Variants in XRRA1 observed in about 807,000 individuals in gnomAD.
XRRA1 encodes X-ray radiation resistance-associated protein 1.
A neutral mutation model predicts 80.2 loss-of-function variants in XRRA1; 69 were observed. The ratio of observed to expected loss-of-function variants is 0.86; its 90% CI spans 0.71 to 1.05. XRRA1 has a LOEUF of 1.05. XRRA1 is among the 50% of genes least tolerant of loss of function. The pLI is 0.00. For synonymous variants in XRRA1, 348 were observed against 389.9 expected, an observed-to-expected ratio of 0.89 and a Z score of 1.27; for missense variants, 967 against 976.4, an observed-to-expected ratio of 0.99 and a Z score of 0.13.
intron 8 of XRRA1, chr11:74,910,615 A>G (rs1005050529): frequency 6.6e-6 from 1 of 152,318 alleles, no homozygotes; most frequent in Non-Finnish European, 1.5e-5. Flanking sequence ...CAGGCCATGA[A>G]AAGCTTTGAG....
chr11:74,877,041 T>C (rs1405780985), intron 10 of XRRA1: 5 of 152,216 alleles, frequency 3.3e-5, no homozygotes, highest in Non-Finnish European at 7.3e-5. Flanking sequence ...TTATACTTAC[T>C]CTGCTATTTG....
chr11:74,902,440 G>GA (rs1218914070), intron 10 of XRRA1, among the ~76,000 whole-genome samples: 82 of 152,184 alleles, frequency 5.4e-4, no homozygotes, highest in African/African-American at 2.0e-3. Context: ...AAGGGAAATC[G>GA]GTATATCAGA....
chr11:74,883,056 G>A (rs1328204179), intron 10 of XRRA1, among the ~76,000 whole-genome samples: 2 of 152,214 alleles, frequency 1.3e-5, no homozygotes, highest in Non-Finnish European at 2.9e-5. Context: ...GAGCTTCCCG[G>A]CTGCTTTGTT....
chr11:74,851,591 G>A (rs989087038), intron 13 of XRRA1, among the ~76,000 whole-genome samples: 4 of 152,150 alleles, frequency 2.6e-5, no homozygotes, highest in African/African-American at 4.8e-5. Flanking sequence ...TGCAGTTGGG[G>A]CTGCACCCCT....
At chr11:74,886,911 C>T (rs1325324967) in intron 10 of XRRA1, among the ~76,000 whole-genome samples, 1 of 152,128 alleles carries the variant, frequency 6.6e-6, no homozygotes, top group Non-Finnish European at 1.5e-5. Flanking sequence ...GAAATAATGC[C>T]ACACGCCTAC....
chr11:74,948,745 C>T (rs530296593), intron 1 of XRRA1, among the ~76,000 whole-genome samples, 183 bp downstream of exon 1: 3 of 152,246 alleles, frequency 2.0e-5, no homozygotes, highest in African/African-American at 7.2e-5. Context: ...TCAGTAAACG[C>T]GAGTTCTCCG....
intron 15 of XRRA1, chr11:74,846,060 T>A (rs1295545517): frequency 1.3e-5 from 2 of 151,808 alleles, no homozygotes; most frequent in African/African-American, 2.4e-5. Context: ...CTCCCAGGAG[T>A]GGGAGACCAC....
chr11:74,924,033 C>T (rs1941592909), intron 7 of XRRA1, among the ~76,000 whole-genome samples: 1 of 151,706 alleles, frequency 6.6e-6, no homozygotes, highest in Admixed American at 6.6e-5. Context: ...TGTAGAGACA[C>T]GGTCTCATTT....
chr11:74,930,212 AG>A, intron 6 of XRRA1, 87 bp downstream of exon 6: 1 of 1,105,546 alleles, frequency 9.0e-7, no homozygotes, highest in Non-Finnish European at 1.3e-6. Context: ...GGCCAATCAT[AG>A]ATGGTTGGAC....
chr11:74,897,558 C>A (rs1319716973), intron 10 of XRRA1, among the ~76,000 whole-genome samples: 1 of 151,898 alleles, frequency 6.6e-6, no homozygotes, highest in Non-Finnish European at 1.5e-5. Flanking sequence ...TACTTCAAGG[C>A]ATTTAATCAA....
At chr11:74,932,534 A>T (rs905349501) in intron 5 of XRRA1, among the ~76,000 whole-genome samples, 1 of 152,178 alleles carries the variant, frequency 6.6e-6, no homozygotes, top group African/African-American at 2.4e-5. Context: ...ACAGAGACAC[A>T]CCAGGCCTCG....
chr11:74,847,679 T>C (rs2038658437), intron 15 of XRRA1, among the ~76,000 whole-genome samples: 1 of 152,126 alleles, frequency 6.6e-6, no homozygotes. Context: ...TCAGCACTGA[T>C]TGCATAAGCT....
chr11:74,927,494 T>TG lies in XRRA1; in HGVS notation c.425-7dup. ...TGGAAACGTGTGAAATGCCTCTACA[T>TG]GGGGAAGAGAAAGAGAGAGTCTGCA... is the stretch of plus-strand genomic sequence containing the variant. On this transcript the variant is annotated splice_polypyrimidine_tract_variant and splice_region_variant and intron_variant, in intron 6 of 18. Coordinates refer to ENST00000684022, the MANE Select transcript of XRRA1 (RefSeq NM_001378157.1). 2 of 1,586,464 alleles carry TG rather than the reference T, an allele frequency of 1.3e-6. No homozygotes were observed. The highest frequency in any genetic ancestry group is 1.7e-6 in the Non-Finnish European group (2 of 1,155,000).
Position 74,889,143 on chromosome 11 carries a change from G to A in XRRA1, c.1003+17096C>T, listed in dbSNP as rs373791375. Among the ~76,000 whole-genome samples the A allele has an allele frequency of 1.2e-4, 18 of 152,230 alleles. No homozygotes were observed. In the East Asian group the frequency reaches 2.9e-3, roughly 24 times the overall value. ...TGAAATGAAGGAAAAAATGTTAGGGGCAGCCAGAGAGAAAGGTCGGGTTAC... is the reference window on the plus strand; with the variant it reads ...TGAAATGAAGGAAAAAATGTTAGGGACAGCCAGAGAGAAAGGTCGGGTTAC... On this transcript the variant is annotated intron_variant, in intron 10 of 18. Coordinates refer to ENST00000684022, the MANE Select transcript of XRRA1 (RefSeq NM_001378157.1).
intron 8 of XRRA1, among the ~76,000 whole-genome samples, chr11:74,910,501 C>T (rs905823487): frequency 2.0e-5 from 3 of 150,354 alleles, no homozygotes; most frequent in Admixed American, 2.0e-4. Flanking sequence ...CTCACCCAGA[C>T]AAAAAAAATA....
At chr11:74,880,831 T>C (rs1414838454) in intron 10 of XRRA1, among the ~76,000 whole-genome samples, 4 of 151,790 alleles carry the variant, frequency 2.6e-5, no homozygotes, top group South Asian at 4.1e-4. Context: ...GAGAGATAGT[T>C]TGTTATAATT....
At chr11:74,928,913 C>A (rs1942881134) in intron 6 of XRRA1, among the ~76,000 whole-genome samples, 1 of 152,136 alleles carries the variant, frequency 6.6e-6, no homozygotes, top group Admixed American at 6.5e-5. Flanking sequence ...GTATCCATCT[C>A]CCTACCAATG....
intron 10 of XRRA1, among the ~76,000 whole-genome samples, chr11:74,891,019 T>C (rs961654598): frequency 1.3e-5 from 2 of 152,244 alleles, no homozygotes; most frequent in East Asian, 1.9e-4. Flanking sequence ...TTCCAATCAA[T>C]AGAAAAAGAG....
At chr11:74,851,504 G>A (rs2039841727) in intron 13 of XRRA1, among the ~76,000 whole-genome samples, 1 of 152,120 alleles carries the variant, frequency 6.6e-6, no homozygotes, top group Non-Finnish European at 1.5e-5. Flanking sequence ...ACTCTAAAAT[G>A]CCTCCAACTC....
Sources: gnomAD v4.1 joint callset for allele counts (sites outside exome capture counted in the v4.1 genomes callset) on GRCh38, gnomAD v4.1.1 for gene constraint, MANE v1.5 for transcripts, NCBI Gene and HGNC (gene_info 2026-07-23, HGNC 2026-07-21) for gene names.